The following THSD7B variants were observed in gnomAD, a reference collection of about 807,000 sequenced individuals.
THSD7B encodes thrombospondin type-1 domain-containing protein 7B.
In THSD7B, 138 loss-of-function variants were observed where a neutral mutation model predicts 213.6. The observed-to-expected ratio is 0.65, with a 90% CI of 0.56 to 0.74. The LOEUF (loss-of-function observed/expected upper bound fraction) is 0.74. Ranked by LOEUF, THSD7B falls within the 30% of genes least tolerant of loss-of-function variation. THSD7B has a pLI of 0.00. For missense variants in THSD7B, 1,931 were observed against 1,991.5 expected (o/e 0.97, Z 0.58); for synonymous variants, 742 against 687.0 (o/e 1.08, Z -1.25).
At chr2:136,782,900 TA>T (rs1188830964) in intron 1 of THSD7B, among the ~76,000 whole-genome samples, 4 of 151,758 alleles carry the variant, frequency 2.6e-5, no homozygotes, top group African/African-American at 7.3e-5. Context: ...ATCTGTTAAT[TA>T]AAAAAAAGAA....
At chr2:137,626,023 G>T (rs1682619946) in intron 20 of THSD7B, among the ~76,000 whole-genome samples, 1 of 152,208 alleles carries the variant, frequency 6.6e-6, no homozygotes, top group Admixed American at 6.5e-5. Flanking sequence ...AGCCATGGCT[G>T]CTCCAGCAGG....
chr2:137,029,464 T>A (rs1284263832), intron 2 of THSD7B, among the ~76,000 whole-genome samples: 2 of 152,146 alleles, frequency 1.3e-5, no homozygotes, highest in African/African-American at 4.8e-5. Flanking sequence ...ATTTCCATTT[T>A]TTCACATCTT....
intron 1 of THSD7B, among the ~76,000 whole-genome samples, chr2:136,788,550 A>AT (rs1265676653): frequency 2.6e-5 from 4 of 151,914 alleles, no homozygotes; most frequent in East Asian, 1.9e-4. Context: ...TTTATATTTG[A>AT]TTTTTTTTCC....
In THSD7B at chr2:136,849,135, A is replaced by G. The variant is rs564757804; in HGVS notation, c.-35-33009A>G. ...TCTTTATTGTAAAACACATCCCCTT[A>G]CCACCACTGATACATCTGGTTTCTG... On this transcript the variant is annotated intron_variant, in intron 1 of 27. Coordinates refer to ENST00000409968, the MANE Select transcript of THSD7B (RefSeq NM_001316349.2). Among the ~76,000 whole-genome samples the G allele has an allele frequency of 2.6e-4, 39 of 152,222 alleles. 1 individual carries two copies. In the South Asian group the frequency reaches 7.5e-3, roughly 29 times the overall value.
intron 12 of THSD7B, among the ~76,000 whole-genome samples, chr2:137,373,430 G>T (rs1248931528): frequency 1.3e-5 from 2 of 152,164 alleles, no homozygotes; most frequent in South Asian, 2.1e-4. Context: ...GTTTTGATTT[G>T]CATTTCTCTG....
intron 2 of THSD7B, among the ~76,000 whole-genome samples, chr2:137,004,414 A>G (rs1476560699): frequency 3.9e-5 from 6 of 151,990 alleles, no homozygotes; most frequent in Non-Finnish European, 8.8e-5. Context: ...AAATTACATT[A>G]GTTCTTCTTA....
chr2:136,995,315 G>A (rs1685863572), intron 2 of THSD7B, among the ~76,000 whole-genome samples: 1 of 149,792 alleles, frequency 6.7e-6, no homozygotes, highest in Non-Finnish European at 1.5e-5. Context: ...ATGGGAAGAT[G>A]GGCAGTAGGG....
intron 3 of THSD7B, among the ~76,000 whole-genome samples, chr2:137,074,759 G>T (rs941978667): frequency 6.6e-6 from 1 of 152,104 alleles, no homozygotes; most frequent in Non-Finnish European, 1.5e-5. Context: ...CTTCCTTCAG[G>T]AGCTCTTTTA....
intron 12 of THSD7B, among the ~76,000 whole-genome samples, chr2:137,386,783 C>A (rs1186283265): frequency 6.6e-6 from 1 of 152,060 alleles, no homozygotes; most frequent in Admixed American, 6.6e-5. Context: ...TGATACAGGG[C>A]AAAAAGACCA....
At chr2:137,083,389 C>A (rs571982824) in intron 3 of THSD7B, among the ~76,000 whole-genome samples, 13 of 152,120 alleles carry the variant, frequency 8.5e-5, no homozygotes, top group African/African-American at 2.9e-4. Flanking sequence ...TTCAAAATTG[C>A]CTTCTCCGTC....
intron 15 of THSD7B, among the ~76,000 whole-genome samples, chr2:137,554,026 CTT>C (rs59453034): frequency 0.48 from 68,290 of 143,640 alleles, 16,070 homozygotes; most frequent in South Asian, 0.67. Flanking sequence ...AAGATAGCTA[CTT>C]TTTTTTTTTT....
chr2:136,943,532 G>A lies in THSD7B; in HGVS notation c.139+61215G>A, dbSNP rs185801913. Among the ~76,000 whole-genome samples, 11 of 152,244 alleles carry A rather than the reference G, an allele frequency of 7.2e-5. No homozygotes were observed. In the East Asian group the frequency reaches 1.7e-3, roughly 24 times the overall value. Reference sequence around the variant, plus strand: ...GTCCTGGACTTTTTTTGGTTGGTAAGCTATTAATTATTGCCTCAATTTCAA... The same window carrying A: ...GTCCTGGACTTTTTTTGGTTGGTAAACTATTAATTATTGCCTCAATTTCAA... On this transcript the variant is annotated intron_variant, in intron 2 of 27. Transcript: ENST00000409968.
chr2:137,620,055 G>C (rs1471046233), intron 19 of THSD7B, among the ~76,000 whole-genome samples: 1 of 152,004 alleles, frequency 6.6e-6, no homozygotes, highest in East Asian at 1.9e-4. Context: ...AATTTGTATG[G>C]TTTGCCAAGA....
At chr2:137,567,121 G>A (rs1322557674) in intron 16 of THSD7B, among the ~76,000 whole-genome samples, 1 of 149,774 alleles carries the variant, frequency 6.7e-6, no homozygotes, top group East Asian at 2.0e-4. Flanking sequence ...TGATGTGGGG[G>A]AGTGACATGC....
intron 10 of THSD7B, among the ~76,000 whole-genome samples, chr2:137,248,037 A>G (rs1214908229): frequency 6.6e-6 from 1 of 152,118 alleles, no homozygotes; most frequent in Non-Finnish European, 1.5e-5. Flanking sequence ...CAATCCACAG[A>G]TGTCTGAGAC....
intron 1 of THSD7B, among the ~76,000 whole-genome samples, chr2:136,804,903 C>T (rs573659705): frequency 3.9e-5 from 6 of 152,162 alleles, no homozygotes; most frequent in African/African-American, 1.4e-4. Context: ...ATTTTTTATT[C>T]TAGGGAAATG....
chr2:137,013,235 A>G (rs1686263021), intron 2 of THSD7B, among the ~76,000 whole-genome samples: 1 of 152,234 alleles, frequency 6.6e-6, no homozygotes. Flanking sequence ...ATAAATTGAC[A>G]AAATATATGA....
At chr2:137,380,401 T>C (rs1469900868) in intron 12 of THSD7B, among the ~76,000 whole-genome samples, 1 of 152,184 alleles carries the variant, frequency 6.6e-6, no homozygotes, top group Non-Finnish European at 1.5e-5. Context: ...GACATAGGAC[T>C]CTCTCTTCCT....
At chr2:137,654,314 C>A (rs991919153) in intron 21 of THSD7B, among the ~76,000 whole-genome samples, 2 of 152,192 alleles carry the variant, frequency 1.3e-5, no homozygotes, top group Non-Finnish European at 2.9e-5. Flanking sequence ...CGTGGTACTG[C>A]TGAACAGCCA....
Sources: allele counts gnomAD v4.1 joint callset (sites outside exome capture counted in the v4.1 genomes callset), GRCh38; gene constraint gnomAD v4.1.1; transcripts MANE v1.5; gene names NCBI Gene and HGNC (gene_info 2026-07-23, HGNC 2026-07-21).